The following OPCML variants were observed in gnomAD, a reference collection of about 807,000 sequenced individuals.
OPCML encodes opioid binding protein/cell adhesion molecule like, also known as opioid-binding protein/cell adhesion molecule.
OPCML carries 13 observed loss-of-function variants against 37.8 expected under a neutral mutation model. The observed-to-expected ratio is 0.34, with a 90% CI of 0.22 to 0.55. The LOEUF (loss-of-function observed/expected upper bound fraction) is 0.55. OPCML is among the 20% of genes least tolerant of loss of function. OPCML has a pLI of 0.91. For synonymous variants in OPCML, 176 were observed against 168.8 expected (o/e 1.04, Z -0.33); for missense variants, 341 against 435.6 (o/e 0.78, Z 1.93).
intron 2 of OPCML, among the ~76,000 whole-genome samples, chr11:132,699,966 G>C (rs1943742382): frequency 6.6e-6 from 1 of 151,512 alleles, no homozygotes; most frequent in South Asian, 2.1e-4. Context: ...GAAGCCATCA[G>C]ATCTTGGGCT....
chr11:133,486,503 T>C (rs1397409883), intron 1 of OPCML, among the ~76,000 whole-genome samples: 1 of 152,140 alleles, frequency 6.6e-6, no homozygotes, highest in African/African-American at 2.4e-5. Flanking sequence ...CAGGTTTTTC[T>C]TCCTATTCCA....
chr11:133,230,957 C>A (rs1249649983), intron 1 of OPCML, among the ~76,000 whole-genome samples: 1 of 152,172 alleles, frequency 6.6e-6, no homozygotes. Flanking sequence ...GATCTGCCAC[C>A]TCTCATAACC....
intron 1 of OPCML, among the ~76,000 whole-genome samples, chr11:133,139,046 G>A (rs1468812476): frequency 6.6e-6 from 1 of 152,126 alleles, no homozygotes; most frequent in Non-Finnish European, 1.5e-5. Context: ...TGACTATATG[G>A]AGCTTAGCAT....
chr11:132,783,222 C>T (rs779295497), intron 2 of OPCML, among the ~76,000 whole-genome samples: 13 of 152,008 alleles, frequency 8.6e-5, no homozygotes, highest in African/African-American at 3.1e-4. Flanking sequence ...GATGGGGATT[C>T]GGAGCTGAGT....
intron 1 of OPCML, among the ~76,000 whole-genome samples, chr11:133,464,021 A>G (rs541494123): frequency 6.6e-6 from 1 of 151,960 alleles, no homozygotes; most frequent in Middle Eastern, 3.4e-3. Flanking sequence ...TGCTTTCAAC[A>G]TCTTGGTGCA....
chr11:133,191,034 C>A (rs191873335), intron 1 of OPCML, among the ~76,000 whole-genome samples: 2 of 151,948 alleles, frequency 1.3e-5, no homozygotes, highest in African/African-American at 4.8e-5. Flanking sequence ...ATTAGGGTAA[C>A]CACACCCAAA....
In OPCML at chr11:133,377,295, T is replaced by A. The variant is rs143798495; in HGVS notation, c.61+154969A>T. 4.2e-4 allele frequency among the ~76,000 whole-genome samples: 64 copies of A among 152,282 alleles called. No homozygotes were observed. In the East Asian group the frequency reaches 0.012, roughly 29 times the overall value. On this transcript the variant is annotated intron_variant, in intron 1 of 7. Transcript: ENST00000524381. ...ATTCTGAGCAGTCCAAGGGTTCACC[T>A]GGGCTGATGGTTGTCTCTCAGCTCA...
chr11:132,544,313 T>C (rs1028136785), intron 3 of OPCML, among the ~76,000 whole-genome samples: 1 of 152,096 alleles, frequency 6.6e-6, no homozygotes, highest in Admixed American at 6.6e-5. Flanking sequence ...AGGGGTCAGA[T>C]CTCCTTACTC....
At chr11:133,449,126 T>C (rs1946528989) in intron 1 of OPCML, among the ~76,000 whole-genome samples, 3 of 152,222 alleles carry the variant, frequency 2.0e-5, no homozygotes, top group Admixed American at 2.0e-4. Flanking sequence ...TCCTCTTTGC[T>C]AAAAGAACTT....
intron 3 of OPCML, among the ~76,000 whole-genome samples, chr11:132,619,535 C>T (rs1397845979): frequency 1.3e-5 from 2 of 151,902 alleles, no homozygotes; most frequent in Non-Finnish European, 2.9e-5. Context: ...AGCATGAAAG[C>T]ATTGGTAAAA....
At chr11:132,473,420 G>A (rs892955220) in intron 4 of OPCML, among the ~76,000 whole-genome samples, 1 of 152,166 alleles carries the variant, frequency 6.6e-6, no homozygotes, top group Non-Finnish European at 1.5e-5. Flanking sequence ...TGATCACTAA[G>A]GAAACCTAAC....
intron 1 of OPCML, among the ~76,000 whole-genome samples, chr11:133,481,478 A>T (rs981578314): frequency 4.6e-5 from 7 of 151,968 alleles, no homozygotes; most frequent in East Asian, 1.9e-4. Flanking sequence ...TAAATAAATA[A>T]ATGTATGTAT....
chr11:132,895,261 T>A (rs1417967706), intron 2 of OPCML, among the ~76,000 whole-genome samples: 2 of 152,242 alleles, frequency 1.3e-5, no homozygotes, highest in African/African-American at 4.8e-5. Flanking sequence ...CTATATATGA[T>A]ACCCTTAACA....
intron 2 of OPCML, among the ~76,000 whole-genome samples, chr11:132,885,823 T>A (rs1256610269): frequency 6.6e-6 from 1 of 152,202 alleles, no homozygotes; most frequent in Non-Finnish European, 1.5e-5. Context: ...AAATTTCTCT[T>A]GGCATGTAAC....
At chr11:132,764,312 C>T (rs565755283) in intron 2 of OPCML, among the ~76,000 whole-genome samples, 4 of 152,198 alleles carry the variant, frequency 2.6e-5, no homozygotes, top group South Asian at 2.1e-4. Context: ...TGCTGCTCAC[C>T]GCCCAACCCA....
chr11:133,317,910 A>T (rs141824454), intron 1 of OPCML, among the ~76,000 whole-genome samples: 1 of 152,222 alleles, frequency 6.6e-6, no homozygotes, highest in Non-Finnish European at 1.5e-5. Flanking sequence ...AACGGTAAAT[A>T]CTGTTCATTG....
chr11:132,707,125 G>A (rs544126353), intron 2 of OPCML, among the ~76,000 whole-genome samples: 1 of 152,282 alleles, frequency 6.6e-6, no homozygotes, highest in East Asian at 1.9e-4. Flanking sequence ...GTTTCCACAG[G>A]TAAAAGGATC....
chr11:132,766,098 T>TAA (rs1307297260), intron 2 of OPCML, among the ~76,000 whole-genome samples: 22 of 81,070 alleles, frequency 2.7e-4, no homozygotes, highest in East Asian at 5.1e-3. Context: ...TGCTTATAAT[T>TAA]TAAAAAAAAA....
At chr11:132,559,102 AG>A (rs1372228978) in intron 3 of OPCML, among the ~76,000 whole-genome samples, 1 of 152,108 alleles carries the variant, frequency 6.6e-6, no homozygotes, top group African/African-American at 2.4e-5. Context: ...AATAAGAAAG[AG>A]GCAAGGGGAG....
Sources: allele counts gnomAD v4.1 joint callset (sites outside exome capture counted in the v4.1 genomes callset), GRCh38; gene constraint gnomAD v4.1.1; transcripts MANE v1.5; gene names NCBI Gene and HGNC (gene_info 2026-07-23, HGNC 2026-07-21).